Variants in SLC39A8 observed in about 807,000 individuals in gnomAD.
SLC39A8 encodes metal cation symporter ZIP8.
Under a neutral mutation model 40.4 loss-of-function variants are expected in SLC39A8, and 15 were observed. The ratio of observed to expected loss-of-function variants is 0.37; its 90% CI spans 0.25 to 0.57. The LOEUF is 0.57. SLC39A8 is among the 20% of genes least tolerant of loss of function. The probability of loss-of-function intolerance (pLI) is 0.75; values close to 1 mark genes in which losing one functional copy is unlikely to be tolerated. For synonymous variants in SLC39A8, 223 were observed against 221.6 expected (o/e 1.01, Z -0.06); for missense variants, 472 against 558.8 (o/e 0.84, Z 1.57).
downstream of SLC39A8, among the ~76,000 whole-genome samples, chr4:102,258,462 A>G (rs960722140): frequency 6.6e-6 from 1 of 152,124 alleles, no homozygotes. Flanking sequence ...AAATCCTACA[A>G]TTACTTCAAG....
intron 6 of SLC39A8, among the ~76,000 whole-genome samples, chr4:102,280,588 T>C (rs1258888476): frequency 6.6e-6 from 1 of 152,238 alleles, no homozygotes; most frequent in Non-Finnish European, 1.5e-5. Context: ...GGTGATTACT[T>C]GGTCCTTCTC....
At chr4:102,295,442 CCAAA>C (rs1310228970) in intron 6 of SLC39A8, among the ~76,000 whole-genome samples, 5 of 151,988 alleles carry the variant, frequency 3.3e-5, no homozygotes, top group Admixed American at 6.6e-5. Flanking sequence ...TGACTGTTCT[CCAAA>C]CAGAGTAAAT....
chr4:102,328,155 A>T (rs1003887345), intron 2 of SLC39A8, among the ~76,000 whole-genome samples: 2 of 151,626 alleles, frequency 1.3e-5, no homozygotes, highest in East Asian at 3.9e-4. Flanking sequence ...TAGGTTTTTT[A>T]TGTGTGTAAT....
intron 2 of SLC39A8, among the ~76,000 whole-genome samples, chr4:102,334,424 G>A (rs558099379): frequency 7.6e-4 from 115 of 152,264 alleles, no homozygotes; most frequent in African/African-American, 2.6e-3. Context: ...AATGTTAATT[G>A]TCAGGAAATA....
At chr4:102,297,190 G>A in intron 6 of SLC39A8, among the ~76,000 whole-genome samples, 1 of 152,104 alleles carries the variant, frequency 6.6e-6, no homozygotes, top group East Asian at 1.9e-4. Flanking sequence ...AGCATGTACG[G>A]AGATGATGAG....
At chr4:102,284,625 T>C (rs1272297342) in intron 6 of SLC39A8, among the ~76,000 whole-genome samples, 1 of 152,178 alleles carries the variant, frequency 6.6e-6, no homozygotes, top group Non-Finnish European at 1.5e-5. Context: ...GCCTGATATA[T>C]CACAGAGGCC....
At chr4:102,318,416 C>G (rs540084138) in intron 2 of SLC39A8, among the ~76,000 whole-genome samples, 2 of 152,246 alleles carry the variant, frequency 1.3e-5, no homozygotes, top group African/African-American at 4.8e-5. Context: ...GAATTAATGG[C>G]AAGCCTGACT....
At chr4:102,275,909 C>T (rs1204476025) in intron 6 of SLC39A8, among the ~76,000 whole-genome samples, 1 of 152,118 alleles carries the variant, frequency 6.6e-6, no homozygotes, top group Non-Finnish European at 1.5e-5. Context: ...GAAATTAAGG[C>T]AGAAAGAAAT....
At chr4:102,315,521 C>A in intron 3 of SLC39A8, 147 bp downstream of exon 3, 1 of 600,916 alleles carries the variant, frequency 1.7e-6, no homozygotes, top group Non-Finnish European at 2.6e-6. Context: ...CTTCTTATTC[C>A]AAATACTTTC....
chr4:102,268,685 A>G (rs1224369738), intron 6 of SLC39A8, among the ~76,000 whole-genome samples: 1 of 152,228 alleles, frequency 6.6e-6, no homozygotes, highest in Non-Finnish European at 1.5e-5. Context: ...GGCTGTAACA[A>G]TATGGTCTCT....
At chr4:102,282,619 G>T (rs569367294) in intron 6 of SLC39A8, among the ~76,000 whole-genome samples, 2,467 of 35,220 alleles carry the variant, frequency 0.07, 22 homozygotes, top group Non-Finnish European at 0.18. Flanking sequence ...ATTAAATGGT[G>T]GGGGGGGGTG....
At chr4:102,271,848 G>A (rs1485742903) in intron 6 of SLC39A8, among the ~76,000 whole-genome samples, 1 of 152,100 alleles carries the variant, frequency 6.6e-6, no homozygotes. Flanking sequence ...ATAATTCATG[G>A]ATCACATCAC....
intron 2 of SLC39A8, among the ~76,000 whole-genome samples, chr4:102,316,539 A>G (rs1734666597): frequency 6.6e-6 from 1 of 152,166 alleles, no homozygotes; most frequent in Admixed American, 6.6e-5. Flanking sequence ...TGTTGTTCTC[A>G]CATTTTAACT....
intron 6 of SLC39A8, among the ~76,000 whole-genome samples, chr4:102,287,200 G>T (rs1424663346): frequency 6.6e-6 from 1 of 152,056 alleles, no homozygotes; most frequent in Admixed American, 6.6e-5. Context: ...TGGCTGGCAG[G>T]TCATAGAGGA....
rs375978994 is a variant in SLC39A8 at position 102,333,282 on chromosome 4, T to A, written c.219+11162A>T. 1.8e-4 allele frequency among the ~76,000 whole-genome samples: 28 copies of A among 152,316 alleles called. No individual in the cohort carries two copies. In the Middle Eastern group the frequency reaches 0.01, roughly 56 times the overall value. The stretch of plus-strand genomic sequence containing the variant: ...AGAGGGCGGCAGCAGTAACAGAGTG[T>A]ATGTGTATTGAATACTTACAGCATG... On this transcript the variant is annotated intron_variant, in intron 2 of 8. Transcript: ENST00000356736.
At chr4:102,322,401 T>C (rs1735003257) in intron 2 of SLC39A8, among the ~76,000 whole-genome samples, 1 of 152,138 alleles carries the variant, frequency 6.6e-6, no homozygotes, top group South Asian at 2.1e-4. Context: ...CTCTTACAAA[T>C]AAAAGAGTAC....
At position 102,304,493 on chromosome 4, in the gene SLC39A8, C is replaced by A; in HGVS notation, c.676-12G>T. On this transcript the variant is annotated splice_polypyrimidine_tract_variant and intron_variant, in intron 5 of 8. Coordinates refer to ENST00000356736, the MANE Select transcript of SLC39A8 (RefSeq NM_001135146.2). Reference sequence around the variant, plus strand: ...TGGGTATGACCATTCTATATGGGAACAAAAACCAAAGAGATTATAAGAAGA... The same window carrying A: ...TGGGTATGACCATTCTATATGGGAAAAAAAACCAAAGAGATTATAAGAAGA... 1.9e-6 allele frequency: 3 copies of A among 1,596,248 alleles called. No homozygotes were observed. The highest frequency in any genetic ancestry group is 1.4e-5 in the African/African-American group (1 of 73,838).
At chr4:102,320,789 AAT>A (rs773765822) in intron 2 of SLC39A8, among the ~76,000 whole-genome samples, 4 of 141,498 alleles carry the variant, frequency 2.8e-5, no homozygotes, top group Non-Finnish European at 4.6e-5. Context: ...TATGAGAAAA[AAT>A]ATATATATAT....
chr4:102,327,484 C>T (rs1387639629), intron 2 of SLC39A8, among the ~76,000 whole-genome samples: 1 of 152,212 alleles, frequency 6.6e-6, no homozygotes, highest in Non-Finnish European at 1.5e-5. Flanking sequence ...AACTACCCAA[C>T]TCCTGTCTGT....
Sources: allele counts gnomAD v4.1 joint callset (sites outside exome capture counted in the v4.1 genomes callset), GRCh38; gene constraint gnomAD v4.1.1; transcripts MANE v1.5; gene names NCBI Gene and HGNC (gene_info 2026-07-23, HGNC 2026-07-21).